Variants in CTRC observed in about 807,000 individuals in gnomAD.
The protein encoded by CTRC is chymotrypsin-C.
A neutral mutation model predicts 35.7 loss-of-function variants in CTRC; 32 were observed. That is an observed-to-expected ratio of 0.90 (90% confidence interval 0.68 to 1.20). The LOEUF is 1.20. CTRC is among the 50% of genes most tolerant of loss of function. The pLI is 0.00. For missense variants in CTRC, 324 were observed against 361.5 expected, an observed-to-expected ratio of 0.90 and a Z score of 0.84; for synonymous variants, 119 against 149.5, an observed-to-expected ratio of 0.80 and a Z score of 1.49.
intron 1 of CTRC, among the ~76,000 whole-genome samples, chr1:15,439,613 C>T (rs2103288750): frequency 6.6e-6 from 1 of 152,306 alleles, no homozygotes; most frequent in South Asian, 2.1e-4. Flanking sequence ...GACCGCTCCA[C>T]ACAGCTTCCC....
chr1:15,446,916 T>A lies in CTRC; in HGVS notation c.*327T>A. 2.1e-6 allele frequency: 1 copy of A among 465,978 alleles called. No homozygotes were observed. The highest frequency in any genetic ancestry group is 4.0e-6 in the Non-Finnish European group (1 of 252,040). 28.9% of individuals were successfully genotyped at this position (465,978 alleles called of 1,614,324 possible). On this transcript the variant is annotated 3_prime_UTR_variant, in exon 8 of 8. Coordinates refer to ENST00000375949, the MANE Select transcript of CTRC (RefSeq NM_007272.3). ...GGGAGTGAAGGACGCATCAGACACC[T>A]TCCCCGCTCCATCTCACAAGCTGCG... is the stretch of plus-strand genomic sequence containing the variant.
chr1:15,447,428 T>G lies in CTRC; in HGVS notation c.*839T>G. 1 of 153,380 alleles carries G rather than the reference T, an allele frequency of 6.5e-6. No individual in the cohort carries two copies. Among genetic ancestry groups the G allele is most frequent in the Non-Finnish European group, 1.5e-5 (1 of 68,718 alleles). 9.5% of individuals were successfully genotyped at this position (153,380 alleles called of 1,614,324 possible). ...AGAGAGAGGAAGGAGTTGGGATAGC[T>G]GGCAATGCCTGATCCAGGAGAAGAG... On this transcript the variant is annotated 3_prime_UTR_variant, in exon 8 of 8. Transcript: ENST00000375949.
intron 6 of CTRC, 63 bp downstream of exon 6, chr1:15,444,814 G>C (rs562344709): frequency 6.7e-5 from 108 of 1,604,472 alleles, no homozygotes; most frequent in Non-Finnish European, 8.8e-5. Context: ...TGGGCAAAGG[G>C]GGGTGCGATG....
chr1:15,440,521 C>T lies in CTRC; in HGVS notation c.161C>T (p.Thr54Met), dbSNP rs559326793. 2.1e-5 allele frequency: 34 copies of T among 1,614,216 alleles called. No homozygotes were observed. The Admixed American group carries it at 2.8e-4, about 13-fold the overall frequency. The change falls in exon 3 of 8, where the codon ACG becomes ATG. Residue 54 changes from threonine (T) to methionine (M), a missense_variant. Transcript: ENST00000375949. ...QISLQYLKND[T>M]WRHTCGGTLI... ...TCCCTCCAGTACCTCAAGAACGACACGTGGAGGCATACGTGTGGCGGGACT... is the reference window on the plus strand; with the variant it reads ...TCCCTCCAGTACCTCAAGAACGACATGTGGAGGCATACGTGTGGCGGGACT...
chr1:15,442,554 G>A lies in CTRC; in HGVS notation c.338G>A (p.Trp113Ter). 1.2e-6 allele frequency: 2 copies of A among 1,614,112 alleles called. No individual in the cohort carries two copies. Among genetic ancestry groups the A allele is most frequent in the Non-Finnish European group, 1.7e-6 (2 of 1,179,980 alleles). ...GACACCATCCACGTCCACAAGAGAT[G>A]GAATGCCCTCCTGTTGCGGTGAGTG... ...GVDTIHVHKRWNALLLRNDIA... is the reference protein window; with the variant it reads ...GVDTIHVHKR The change falls in exon 4 of 8, where the codon TGG (tryptophan) becomes TAG (stop). Residue 113 changes from tryptophan to a stop codon, truncating the protein, a stop_gained. Coordinates refer to ENST00000375949, the MANE Select transcript of CTRC (RefSeq NM_007272.3). LOFTEE classifies it high-confidence loss of function.
intron 4 of CTRC, among the ~76,000 whole-genome samples, chr1:15,443,150 A>C (rs539806436): frequency 6.6e-6 from 1 of 152,346 alleles, no homozygotes; most frequent in Non-Finnish European, 1.5e-5. Flanking sequence ...GGTTTCGGAC[A>C]CTTCCACTCT....
At chr1:15,445,995 C>G (rs1285056494) in intron 7 of CTRC, among the ~76,000 whole-genome samples, 5 of 127,282 alleles carry the variant, frequency 3.9e-5, no homozygotes, top group Admixed American at 7.8e-5. Context: ...TTCATTCACT[C>G]ATTCATGTAT....
chr1:15,443,310 C>T, intron 4 of CTRC, 109 bp from the exon 5 acceptor site: 2 of 1,310,024 alleles, frequency 1.5e-6, no homozygotes, highest in Non-Finnish European at 1.1e-6. Context: ...TTGTGAAGGA[C>T]CCCTGAGCAC....
Position 15,440,478 on chromosome 1 carries a change from CCCA to C in CTRC, c.133-12_133-10del. 1 of 1,613,804 alleles carries C rather than the reference CCCA, an allele frequency of 6.2e-7. No homozygotes were observed. ...ACCTGCAGGCTGACACACAGCCCTC[CCCA>C]CCCTCCTGCAGATCTCCCTCCAGTA... On this transcript the variant is annotated splice_polypyrimidine_tract_variant and intron_variant, in intron 2 of 7. Coordinates refer to ENST00000375949, the MANE Select transcript of CTRC (RefSeq NM_007272.3).
chr1:15,445,861 C>G, intron 7 of CTRC, 112 bp downstream of exon 7: 1 of 1,275,200 alleles, frequency 7.8e-7, no homozygotes, highest in Non-Finnish European at 1.1e-6. Context: ...CATTTATTCA[C>G]TCATTCATGC....
At chr1:15,443,758 C>A (rs189329594) in intron 5 of CTRC, among the ~76,000 whole-genome samples, 1 of 152,128 alleles carries the variant, frequency 6.6e-6, no homozygotes, top group Non-Finnish European at 1.5e-5. Context: ...AAAGTTTAGA[C>A]GAATTAGAAT....
chr1:15,443,541 G>T lies in CTRC; in HGVS notation c.479G>T (p.Trp160Leu). The T allele has an allele frequency of 6.2e-7, 1 of 1,614,228 alleles. No individual in the cohort carries two copies. The highest frequency in any genetic ancestry group is 1.1e-5 in the South Asian group (1 of 91,088). The change falls in exon 5 of 8, where the codon TGG (tryptophan) becomes TTG (leucine). Residue 160 changes from tryptophan (W) to leucine (L), a missense_variant. Transcript: ENST00000375949. ...GACTACCCCTGCTATGTCACCGGCTGGGGCCGCCTCTGGAGTGAGTATCGT... is the reference window on the plus strand; with the variant it reads ...GACTACCCCTGCTATGTCACCGGCTTGGGCCGCCTCTGGAGTGAGTATCGT... ...PKDYPCYVTG[W>L]GRLWTNGPIA...
chr1:15,440,226 G>GGGGGGCCCCCCCCCC, intron 1 of CTRC, 74 bp from the exon 2 acceptor site: 1 of 523,580 alleles, frequency 1.9e-6, no homozygotes. Flanking sequence ...TCTTCCACCT[G>GGGGGGCCCCCCCCCC]CCCACCCTCC....
intron 7 of CTRC, among the ~76,000 whole-genome samples, chr1:15,446,321 T>G (rs372875492): frequency 3.8e-4 from 58 of 152,376 alleles, no homozygotes; most frequent in African/African-American, 1.3e-3. Flanking sequence ...ATTTCTCATC[T>G]TGAGAGTAGG....
intron 4 of CTRC, 55 bp downstream of exon 4, chr1:15,442,627 T>A: frequency 6.2e-7 from 1 of 1,610,378 alleles, no homozygotes; most frequent in Non-Finnish European, 8.5e-7. Flanking sequence ...GAAGGAGGGG[T>A]CCCCAAGACG....
Position 15,446,689 on chromosome 1 carries a change from C to T in CTRC, c.*100C>T. On this transcript the variant is annotated 3_prime_UTR_variant, in exon 8 of 8. Coordinates refer to ENST00000375949, the MANE Select transcript of CTRC (RefSeq NM_007272.3). ...TTGATTTGTGCAGCTTCTGTTGCTT[C>T]CCTCCTCTCTGGTGCTGCCCCTTTC... 1 of 1,379,460 alleles carries T rather than the reference C, an allele frequency of 7.2e-7. No individual in the cohort carries two copies. 85.5% of individuals were successfully genotyped at this position (1,379,460 alleles called of 1,614,324 possible).
chr1:15,444,526 A>C, intron 5 of CTRC, 80 bp from the exon 6 acceptor site: 1 of 1,572,958 alleles, frequency 6.4e-7, no homozygotes, highest in Non-Finnish European at 8.7e-7. Flanking sequence ...TGTCCCAGGC[A>C]TCTGCTCCCT....
At chr1:15,438,539 G>A (rs201225064) in intron 1 of CTRC, 35 bp downstream of exon 1, 1 of 1,613,188 alleles carries the variant, frequency 6.2e-7, no homozygotes, top group Admixed American at 1.7e-5. Flanking sequence ...CTAGCAGGCT[G>A]TGAGCTCGGG....
In CTRC at chr1:15,443,423, G is replaced by A. The variant is rs780706590; in HGVS notation, c.361G>A (p.Asp121Asn). ...CCTCTCCACTTTGGATTCCAGCAAT[G>A]ATATTGCCCTCATCAAGCTTGCAGA... Reference protein sequence around the residue: ...KRWNALLLRNDIALIKLAEHV... With the variant: ...KRWNALLLRNNIALIKLAEHV... The change falls in exon 5 of 8, where the codon GAT becomes AAT. Residue 121 changes from aspartate (D) to asparagine (N), a missense_variant. By Grantham distance (23) the Asp-to-Asn change is conservative. Coordinates refer to ENST00000375949, the MANE Select transcript of CTRC (RefSeq NM_007272.3). The A allele has an allele frequency of 6.2e-7, 1 of 1,614,206 alleles. No homozygotes were observed. Among genetic ancestry groups the A allele is most frequent in the South Asian group, 1.1e-5 (1 of 91,076 alleles).
Sources: allele counts gnomAD v4.1 joint callset (sites outside exome capture counted in the v4.1 genomes callset), GRCh38; gene constraint gnomAD v4.1.1; transcripts MANE v1.5; gene names NCBI Gene and HGNC (gene_info 2026-07-23, HGNC 2026-07-21).